PTPRD: variants seen among roughly 807,000 people sequenced by gnomAD.
PTPRD encodes receptor-type tyrosine-protein phosphatase delta.
Under a neutral mutation model 214.5 loss-of-function variants are expected in PTPRD, and 34 were observed. The ratio of observed to expected loss-of-function variants is 0.16; its 90% CI spans 0.12 to 0.21. The LOEUF (loss-of-function observed/expected upper bound fraction) is 0.21, where lower values mean the gene tolerates loss of function less well. Among genes scored for constraint, PTPRD ranks in the 10% least tolerant of loss-of-function variants. The pLI, the probability that PTPRD is intolerant of heterozygous loss-of-function variation, is 1.00. For missense variants in PTPRD, 2,545 were observed against 2,398.7 expected (o/e 1.06, Z -1.27); for synonymous variants, 1,128 against 845.7 (o/e 1.33, Z -5.79).
chr9:9,280,469 C>G (rs1008677563), intron 9 of PTPRD, among the ~76,000 whole-genome samples: 2 of 151,082 alleles, frequency 1.3e-5, no homozygotes, highest in Non-Finnish European at 1.5e-5. Flanking sequence ...AAATTAGTTA[C>G]TTTTATATAC....
chr9:9,268,065 T>A (rs992470248), intron 9 of PTPRD, among the ~76,000 whole-genome samples: 5 of 150,702 alleles, frequency 3.3e-5, no homozygotes, highest in Non-Finnish European at 5.9e-5. Flanking sequence ...GGCATCCAAA[T>A]CAAAAGAAAA....
chr9:8,481,663 G>A (rs1398337843), intron 30 of PTPRD, among the ~76,000 whole-genome samples: 1 of 152,026 alleles, frequency 6.6e-6, no homozygotes, highest in Non-Finnish European at 1.5e-5. Flanking sequence ...TATTAACGGA[G>A]ACCTTTATTT....
At chr9:9,158,527 T>C (rs568093892) in intron 10 of PTPRD, among the ~76,000 whole-genome samples, 137 of 152,036 alleles carry the variant, frequency 9.0e-4, no homozygotes, top group South Asian at 1.9e-3. Flanking sequence ...TTGAACCCGG[T>C]AGGCAGAGGT....
chr9:10,339,217 G>A (rs996308890), intron 3 of PTPRD, among the ~76,000 whole-genome samples: 1 of 151,746 alleles, frequency 6.6e-6, no homozygotes, highest in Non-Finnish European at 1.5e-5. Context: ...AAAATTTTCA[G>A]ACCACTTTCT....
intron 11 of PTPRD, among the ~76,000 whole-genome samples, chr9:8,997,121 T>A (rs1281079964): frequency 6.6e-6 from 1 of 152,150 alleles, no homozygotes; most frequent in Non-Finnish European, 1.5e-5. Flanking sequence ...TAATATTCTA[T>A]CATTTGGACA....
intron 3 of PTPRD, among the ~76,000 whole-genome samples, chr9:10,143,738 A>G (rs2099003648): frequency 6.6e-6 from 1 of 152,128 alleles, no homozygotes; most frequent in Non-Finnish European, 1.5e-5. Context: ...AAAAAATGAA[A>G]TTATGTCCTT....
intron 12 of PTPRD, among the ~76,000 whole-genome samples, chr9:8,654,023 T>G (rs2096863251): frequency 6.6e-6 from 1 of 152,180 alleles, no homozygotes; most frequent in Non-Finnish European, 1.5e-5. Context: ...CAGACTATTC[T>G]TTGTTGTAGA....
intron 3 of PTPRD, among the ~76,000 whole-genome samples, chr9:10,134,178 C>A (rs1452625415): frequency 6.6e-6 from 1 of 152,090 alleles, no homozygotes. Context: ...ATACCACAAC[C>A]AACTCTGACT....
At chr9:8,586,779 A>G (rs1344198976) in intron 14 of PTPRD, among the ~76,000 whole-genome samples, 1 of 152,200 alleles carries the variant, frequency 6.6e-6, no homozygotes, top group African/African-American at 2.4e-5. Flanking sequence ...TTATATTAAT[A>G]CTAGATTTTA....
intron 11 of PTPRD, among the ~76,000 whole-genome samples, chr9:8,765,121 T>G (rs1249360518): frequency 6.6e-6 from 1 of 152,120 alleles, no homozygotes; most frequent in Non-Finnish European, 1.5e-5. Context: ...AAAGTACAAA[T>G]TTTGCAATTA....
At chr9:8,649,763 T>A (rs979395888) in intron 12 of PTPRD, among the ~76,000 whole-genome samples, 2 of 152,204 alleles carry the variant, frequency 1.3e-5, no homozygotes, top group African/African-American at 4.8e-5. Context: ...CAATACATAT[T>A]TCCTAAGGAA....
intron 14 of PTPRD, among the ~76,000 whole-genome samples, chr9:8,537,549 T>C (rs955890573): frequency 3.3e-5 from 5 of 152,048 alleles, no homozygotes; most frequent in African/African-American, 1.2e-4. Context: ...GATTTAGGTA[T>C]CTCTTAAAGG....
chr9:8,594,860 C>CCTTATTTTTTT (rs1491450284), intron 14 of PTPRD, among the ~76,000 whole-genome samples: 1 of 130,584 alleles, frequency 7.7e-6, no homozygotes, highest in Non-Finnish European at 1.6e-5. Context: ...TGTTTAACCC[C>CCTTATTTTTTT]TTTTTTTTTT....
At chr9:8,853,487 G>T (rs1025489857) in intron 11 of PTPRD, among the ~76,000 whole-genome samples, 1 of 152,078 alleles carries the variant, frequency 6.6e-6, no homozygotes, top group Non-Finnish European at 1.5e-5. Context: ...TTTAATAAGT[G>T]TCACCAGCTA....
At chr9:8,421,567 C>T (rs536388677) in intron 35 of PTPRD, among the ~76,000 whole-genome samples, 2 of 152,076 alleles carry the variant, frequency 1.3e-5, no homozygotes, top group South Asian at 2.1e-4. Flanking sequence ...CAGCAAACAG[C>T]GAATCAAATC....
chr9:8,859,402 T>A (rs182029709), intron 11 of PTPRD, among the ~76,000 whole-genome samples: 167 of 152,232 alleles, frequency 1.1e-3, no homozygotes, highest in African/African-American at 3.8e-3. Flanking sequence ...GTCTCCAGCA[T>A]GTGGAAAAAG....
intron 34 of PTPRD, among the ~76,000 whole-genome samples, chr9:8,449,175 C>T (rs1051901572): frequency 6.6e-6 from 1 of 152,136 alleles, no homozygotes; most frequent in African/African-American, 2.4e-5. Context: ...TTATGTTTCT[C>T]TCTAGTAAGA....
At chr9:10,279,711 A>G (rs1370752064) in intron 3 of PTPRD, among the ~76,000 whole-genome samples, 1 of 133,012 alleles carries the variant, frequency 7.5e-6, no homozygotes, top group Non-Finnish European at 1.5e-5. Context: ...CAAAACAGAA[A>G]AAAAAAAAAA....
At chr9:9,273,133 G>C (rs577124265) in intron 9 of PTPRD, among the ~76,000 whole-genome samples, 1 of 151,330 alleles carries the variant, frequency 6.6e-6, no homozygotes, top group South Asian at 2.1e-4. Context: ...GCATTCCATT[G>C]TTAAGTGACC....
Sources: gnomAD v4.1 joint callset for allele counts (sites outside exome capture counted in the v4.1 genomes callset) on GRCh38, gnomAD v4.1.1 for gene constraint, MANE v1.5 for transcripts, NCBI Gene and HGNC (gene_info 2026-07-23, HGNC 2026-07-21) for gene names.